The following GPR19 variants were observed in gnomAD, a reference collection of about 807,000 sequenced individuals.
The protein encoded by GPR19 is probable G protein-coupled receptor 19.
GPR19 carries 14 observed loss-of-function variants against 28.5 expected under a neutral mutation model. The ratio of observed to expected loss-of-function variants is 0.49; its 90% CI spans 0.32 to 0.77. The LOEUF is 0.77. GPR19 is among the 30% of genes least tolerant of loss of function. The pLI is 0.03. For synonymous variants in GPR19, 173 were observed against 184.1 expected, an observed-to-expected ratio of 0.94 and a Z score of 0.49; for missense variants, 409 against 504.1, an observed-to-expected ratio of 0.81 and a Z score of 1.81.
chr12:12,711,328 A>C, the GPR19 span, among the ~76,000 whole-genome samples: 1 of 150,418 alleles, frequency 6.6e-6, no homozygotes, highest in East Asian at 1.9e-4. Context: ...ATGAAAACTT[A>C]TTTCTTCTCC....
the GPR19 span, among the ~76,000 whole-genome samples, chr12:12,711,883 C>T: frequency 6.6e-6 from 1 of 152,176 alleles, no homozygotes; most frequent in Non-Finnish European, 1.5e-5. Context: ...TGCATTTGTT[C>T]CTTGCTTTCC....
chr12:12,667,699 A>G (rs1945803297), intron 3 of GPR19, among the ~76,000 whole-genome samples: 1 of 79,098 alleles, frequency 1.3e-5, no homozygotes, highest in African/African-American at 3.2e-5. Flanking sequence ...TCAATTAGAA[A>G]AAAAAAAAAA....
intron 3 of GPR19, among the ~76,000 whole-genome samples, chr12:12,679,424 CT>C (rs1360578628): frequency 1.1e-5 from 1 of 90,662 alleles, no homozygotes; most frequent in Non-Finnish European, 2.4e-5. Context: ...GTCCCTGTCT[CT>C]ATCAAAAAAA....
At chr12:12,672,146 GA>G (rs1423298424) in intron 3 of GPR19, among the ~76,000 whole-genome samples, 1 of 152,188 alleles carries the variant, frequency 6.6e-6, no homozygotes, top group African/African-American at 2.4e-5. Context: ...AAACAGAAAG[GA>G]GCCTGAGCTT....
At chr12:12,687,104 A>G (rs1180797456) in intron 2 of GPR19, among the ~76,000 whole-genome samples, 1 of 152,222 alleles carries the variant, frequency 6.6e-6, no homozygotes, top group Non-Finnish European at 1.5e-5. Context: ...CAACTGGGGT[A>G]ATATTTTGAA....
At chr12:12,666,290 T>TGC (rs1945777588) in intron 3 of GPR19, among the ~76,000 whole-genome samples, 1 of 152,216 alleles carries the variant, frequency 6.6e-6, no homozygotes, top group Non-Finnish European at 1.5e-5. Flanking sequence ...TGGGCAGAAA[T>TGC]GCGGTCAGAC....
Position 12,661,701 on chromosome 12 carries a change from T to C in GPR19, c.748A>G (p.Ile250Val), listed in dbSNP as rs1407630804. The C allele has an allele frequency of 6.2e-7, 1 of 1,614,192 alleles. No homozygotes were observed. The highest frequency in any genetic ancestry group is 1.7e-5 in the Admixed American group (1 of 60,022). ...ILFYQKVIKY[I>V]WRIGTDGRTV... is the part of the protein sequence containing the mutation. The stretch of plus-strand genomic sequence containing the variant: ...CGGCCATCTGTGCCTATTCTCCAAA[T>C]ATATTTTATGACCTTTTGGTAAAAT... Residue 250 changes from isoleucine (I) to valine (V), a missense_variant, in exon 4 of 4, where the codon ATT becomes GTT. Ile to Val is a conservative substitution (Grantham distance 29). Transcript: ENST00000651487. The surrounding 1 kb of genome is among the most constrained non-coding windows in gnomAD (Gnocchi z 4.2).
intron 3 of GPR19, among the ~76,000 whole-genome samples, chr12:12,664,090 T>C (rs1159333165): frequency 6.6e-6 from 1 of 152,072 alleles, no homozygotes; most frequent in Non-Finnish European, 1.5e-5. Context: ...CCCTCCCAGG[T>C]TCAATTCTTG....
At chr12:12,678,319 T>A (rs7132804) in intron 3 of GPR19, among the ~76,000 whole-genome samples, 4,356 of 152,228 alleles carry the variant, frequency 0.029, 201 homozygotes, top group African/African-American at 0.098. Context: ...AAACCAATGA[T>A]TATTTATTAG....
the GPR19 span, among the ~76,000 whole-genome samples, chr12:12,710,171 G>A: frequency 6.6e-6 from 1 of 152,116 alleles, no homozygotes; most frequent in African/African-American, 2.4e-5. Context: ...GGCTAACATG[G>A]TGAAACCTCG....
At chr12:12,701,474 G>C in the GPR19 span, among the ~76,000 whole-genome samples, 1 of 152,252 alleles carries the variant, frequency 6.6e-6, no homozygotes, top group East Asian at 1.9e-4. Flanking sequence ...GTAGACAAAA[G>C]GGAGAGAAAA....
chr12:12,692,960 C>T (rs766789836), intron 2 of GPR19, among the ~76,000 whole-genome samples: 3 of 152,192 alleles, frequency 2.0e-5, no homozygotes, highest in Non-Finnish European at 4.4e-5. Flanking sequence ...CAATTAAAGA[C>T]AGGTAACTTC....
At chr12:12,667,606 G>A (rs1051532941) in intron 3 of GPR19, among the ~76,000 whole-genome samples, 7 of 151,588 alleles carry the variant, frequency 4.6e-5, no homozygotes, top group Non-Finnish European at 1.0e-4. Context: ...CAGGAGAATC[G>A]CTTGAACCCG....
rs375977205 is a variant in GPR19, at chr12:12,661,486, A to G, written c.963T>C (p.Ser321=). ...ACAGAGTAGGTTTAGAGGCTGAAGA[A>G]CTAAAGGATATCCATGTGATAGCTG... ...VFTAITWISF[S]SSASKPTLYS... The change falls in exon 4 of 4, where the codon AGT becomes AGC. Residue 321 remains serine (S), a synonymous_variant. Transcript: ENST00000651487. This position sits in a 1 kb window ranked among gnomAD's most constrained non-coding sequence, Gnocchi z 4.2. 3.5e-5 allele frequency: 57 copies of G among 1,613,698 alleles called. No individual in the cohort carries two copies. In the African/African-American group the frequency reaches 6.9e-4, roughly 20 times the overall value.
Position 12,661,318 on chromosome 12 carries a change from G to A in GPR19, c.1131C>T (p.Ile377=). ...AKKNYVGISE[I]PSMAKTITKD... ...TGGTAATAGTTTTGGCCATGGAAGG[G>A]ATTTCTGAAATGCCAACGTAGTTTT... The change falls in exon 4 of 4, where the codon ATC becomes ATT. Residue 377 remains isoleucine (I), a synonymous_variant. Coordinates refer to ENST00000651487, the MANE Select transcript of GPR19 (RefSeq NM_006143.3). This position sits in a 1 kb window ranked among gnomAD's most constrained non-coding sequence, Gnocchi z 4.2. 8 of 1,613,924 alleles carry A rather than the reference G, an allele frequency of 5.0e-6. No homozygotes were observed. Among genetic ancestry groups the A allele is most frequent in the Non-Finnish European group, 6.8e-6 (8 of 1,179,790 alleles).
At chr12:12,683,140 CTT>C (rs956249184) in intron 3 of GPR19, among the ~76,000 whole-genome samples, 1 of 152,058 alleles carries the variant, frequency 6.6e-6, no homozygotes, top group Non-Finnish European at 1.5e-5. Flanking sequence ...TTCTAGATTT[CTT>C]TTTTCTTGAG....
chr12:12,667,808 A>G (rs1945804537), intron 3 of GPR19, among the ~76,000 whole-genome samples: 1 of 151,908 alleles, frequency 6.6e-6, no homozygotes, highest in South Asian at 2.1e-4. Flanking sequence ...TTTATTTTGC[A>G]TGTTTGTCTC....
chr12:12,710,571 A>G, the GPR19 span, among the ~76,000 whole-genome samples: 1 of 152,152 alleles, frequency 6.6e-6, no homozygotes, highest in Non-Finnish European at 1.5e-5. Context: ...CGTTACAGAC[A>G]GAGTCTCCCT....
intron 3 of GPR19, among the ~76,000 whole-genome samples, chr12:12,663,129 G>A (rs1466147060): frequency 2.6e-5 from 4 of 152,096 alleles, no homozygotes; most frequent in African/African-American, 7.2e-5. Context: ...TCTAAAAGAC[G>A]ATACAGTTCA....
Sources: gnomAD v4.1 joint callset for allele counts (sites outside exome capture counted in the v4.1 genomes callset) on GRCh38, gnomAD v4.1.1 for gene constraint, Gnocchi (gnomAD v3.1) non-coding constraint, MANE v1.5 for transcripts, NCBI Gene and HGNC (gene_info 2026-07-23, HGNC 2026-07-21) for gene names.